AUTS2: variants seen among roughly 807,000 people sequenced by gnomAD.
AUTS2 encodes the protein activator of transcription and developmental regulator AUTS2.
A neutral mutation model predicts 112.4 loss-of-function variants in AUTS2; 17 were observed. The ratio of observed to expected loss-of-function variants is 0.15; its 90% CI spans 0.10 to 0.23. The LOEUF (loss-of-function observed/expected upper bound fraction) is 0.23, where lower values mean the gene tolerates loss of function less well. AUTS2 is among the 10% of genes least tolerant of loss of function. The pLI is 1.00. For synonymous variants in AUTS2, 751 were observed against 702.7 expected, an observed-to-expected ratio of 1.07 and a Z score of -1.09; for missense variants, 1,510 against 1,701.6, an observed-to-expected ratio of 0.89 and a Z score of 1.98.
At chr7:70,548,582 G>T (rs1800887464) in intron 5 of AUTS2, among the ~76,000 whole-genome samples, 1 of 152,046 alleles carries the variant, frequency 6.6e-6, no homozygotes, top group African/African-American at 2.4e-5. Flanking sequence ...TTTGTGTATG[G>T]TATGAAATAA....
At position 70,651,201 on chromosome 7, in the gene AUTS2, G is replaced by A. The variant is rs373117342; in HGVS notation, c.691-47368G>A. On this transcript the variant is annotated intron_variant, in intron 5 of 18. Coordinates refer to ENST00000342771, the MANE Select transcript of AUTS2 (RefSeq NM_015570.4). ...CTCATTATTTCCGCTATATAGATAA[G>A]GATCATGACATACAAAGAAGTTAAA... is the stretch of plus-strand genomic sequence containing the variant. Among the ~76,000 whole-genome samples the A allele has an allele frequency of 1.3e-3, 197 of 152,260 alleles. 1 individual carries two copies. The highest frequency in any genetic ancestry group is 4.4e-3 in the African/African-American group (182 of 41,554).
intron 6 of AUTS2, among the ~76,000 whole-genome samples, chr7:70,718,490 C>A (rs1810494674): frequency 6.6e-6 from 1 of 152,128 alleles, no homozygotes; most frequent in Non-Finnish European, 1.5e-5. Context: ...TGGCAAAACA[C>A]CGTCTCTACA....
chr7:70,431,797 T>C (rs1433133647), intron 4 of AUTS2, among the ~76,000 whole-genome samples: 1 of 152,376 alleles, frequency 6.6e-6, no homozygotes, highest in Admixed American at 6.5e-5. Context: ...TTTTAATTCA[T>C]GAAACCAGGG....
intron 5 of AUTS2, among the ~76,000 whole-genome samples, chr7:70,636,068 G>A (rs1362513179): frequency 6.6e-6 from 1 of 152,186 alleles, no homozygotes; most frequent in Admixed American, 6.5e-5. Flanking sequence ...GTAGATGTGG[G>A]CCTCTTATGT....
At chr7:70,690,878 T>C (rs991004545) in intron 5 of AUTS2, among the ~76,000 whole-genome samples, 1 of 152,194 alleles carries the variant, frequency 6.6e-6, no homozygotes, top group Non-Finnish European at 1.5e-5. Flanking sequence ...GGAGGATTGC[T>C]TTAGCCCAGG....
chr7:69,691,440 C>G (rs895293964), intron 1 of AUTS2, among the ~76,000 whole-genome samples: 2 of 152,180 alleles, frequency 1.3e-5, no homozygotes, highest in Non-Finnish European at 2.9e-5. Flanking sequence ...CTCCACTTCC[C>G]TCCTGCACCT....
intron 4 of AUTS2, among the ~76,000 whole-genome samples, chr7:70,331,809 T>G (rs2129619555): frequency 6.6e-6 from 1 of 152,236 alleles, no homozygotes; most frequent in Non-Finnish European, 1.5e-5. Flanking sequence ...AGGTATTGAT[T>G]TAACGTATAT....
At chr7:69,750,472 T>TTAGTAGTAGTAGTAG (rs146638908) in intron 1 of AUTS2, among the ~76,000 whole-genome samples, 3 of 148,032 alleles carry the variant, frequency 2.0e-5, no homozygotes, top group African/African-American at 7.4e-5. Context: ...AAATACTATG[T>TTAGTAGTAGTAGTAG]TAGTAGTAGT....
chr7:70,361,749 C>G (rs983438523), intron 4 of AUTS2, among the ~76,000 whole-genome samples: 11 of 152,146 alleles, frequency 7.2e-5, no homozygotes, highest in African/African-American at 2.4e-4. Context: ...TACATGCTCT[C>G]TGGTTGAACT....
chr7:69,799,869 G>C (rs1790007130), intron 1 of AUTS2, among the ~76,000 whole-genome samples: 1 of 152,040 alleles, frequency 6.6e-6, no homozygotes, highest in Admixed American at 6.5e-5. Flanking sequence ...TTTGTCTGGA[G>C]TATGCCCAAC....
At chr7:69,951,513 GA>G (rs1397908033) in intron 2 of AUTS2, among the ~76,000 whole-genome samples, 1 of 152,206 alleles carries the variant, frequency 6.6e-6, no homozygotes, top group Non-Finnish European at 1.5e-5. Flanking sequence ...TAATACCAGA[GA>G]TAGTGGACAG....
chr7:69,701,591 A>C (rs1251394265), intron 1 of AUTS2, among the ~76,000 whole-genome samples: 1 of 152,242 alleles, frequency 6.6e-6, no homozygotes, highest in Non-Finnish European at 1.5e-5. Flanking sequence ...GAGGACATGC[A>C]TTGTGAAAGG....
At chr7:69,607,885 A>T (rs1357470668) in intron 1 of AUTS2, among the ~76,000 whole-genome samples, 3 of 152,168 alleles carry the variant, frequency 2.0e-5, no homozygotes, top group African/African-American at 7.2e-5. Context: ...CAGCCTGCAA[A>T]TATAGATTGT....
At chr7:70,147,448 A>T (rs1461012950) in intron 4 of AUTS2, among the ~76,000 whole-genome samples, 1 of 152,056 alleles carries the variant, frequency 6.6e-6, no homozygotes, top group Non-Finnish European at 1.5e-5. Flanking sequence ...CAGAGTTTAC[A>T]TGATGTTAGA....
chr7:70,490,933 C>G (rs1403158383), intron 5 of AUTS2, among the ~76,000 whole-genome samples: 1 of 152,200 alleles, frequency 6.6e-6, no homozygotes, highest in Non-Finnish European at 1.5e-5. Flanking sequence ...GCTGGCTGCT[C>G]ACCTCCAGCT....
At chr7:69,605,345 G>T (rs1792658011) in intron 1 of AUTS2, among the ~76,000 whole-genome samples, 1 of 152,172 alleles carries the variant, frequency 6.6e-6, no homozygotes, top group Non-Finnish European at 1.5e-5. Context: ...AGGGAGACTA[G>T]TCCATGTCTT....
intron 6 of AUTS2, among the ~76,000 whole-genome samples, chr7:70,706,484 T>C (rs919152904): frequency 2.0e-5 from 3 of 152,206 alleles, no homozygotes; most frequent in Non-Finnish European, 4.4e-5. Flanking sequence ...AAGCAAACCC[T>C]GCATGGGTAA....
intron 5 of AUTS2, among the ~76,000 whole-genome samples, chr7:70,489,142 G>T (rs1474170411): frequency 6.6e-6 from 1 of 152,112 alleles, no homozygotes; most frequent in Non-Finnish European, 1.5e-5. Context: ...CTCATTCTGG[G>T]AGAAGGCAAT....
intron 2 of AUTS2, among the ~76,000 whole-genome samples, chr7:70,076,222 G>C (rs1584682639): frequency 1.3e-5 from 2 of 152,044 alleles, no homozygotes; most frequent in African/African-American, 2.4e-5. Flanking sequence ...CTAATAAAGA[G>C]TTGGCATAAA....
Sources: gnomAD v4.1 joint callset for allele counts (sites outside exome capture counted in the v4.1 genomes callset) on GRCh38, gnomAD v4.1.1 for gene constraint, MANE v1.5 for transcripts, NCBI Gene and HGNC (gene_info 2026-07-23, HGNC 2026-07-21) for gene names.